Variants in PTPRN2 observed in about 807,000 individuals in gnomAD.
The protein encoded by PTPRN2 is protein tyrosine phosphatase receptor type N2.
In PTPRN2, 74 loss-of-function variants were observed where a neutral mutation model predicts 118.8. The observed-to-expected ratio is 0.62, with a 90% CI of 0.52 to 0.76. The LOEUF is 0.76. Ranked by LOEUF, PTPRN2 falls within the 30% of genes least tolerant of loss-of-function variation. PTPRN2 has a pLI of 0.00. For missense variants in PTPRN2, 1,481 were observed against 1,394.4 expected (o/e 1.06, Z -0.99); for synonymous variants, 641 against 608.0 (o/e 1.05, Z -0.80).
chr7:157,596,128 G>A lies in PTPRN2; in HGVS notation c.2419-813C>T, dbSNP rs570938221. On this transcript the variant is annotated intron_variant, in intron 16 of 22. Coordinates refer to ENST00000389418, the MANE Select transcript of PTPRN2 (RefSeq NM_002847.5). The surrounding 1 kb of genome is among the most constrained non-coding windows in gnomAD (Gnocchi z 4.2). ...AGCTCTCAATGGAGAGTGTGAACAG[G>A]GTTCCTCCAGGCCTCATGGACAAAC... Among the ~76,000 whole-genome samples the A allele has an allele frequency of 3.3e-5, 5 of 152,354 alleles. No individual in the cohort carries two copies. Among genetic ancestry groups the A allele is most frequent in the Admixed American group, 2.0e-4 (3 of 15,300 alleles).
At chr7:158,333,807 G>A (rs1335828306) in intron 2 of PTPRN2, among the ~76,000 whole-genome samples, 3 of 131,606 alleles carry the variant, frequency 2.3e-5, no homozygotes, top group South Asian at 2.5e-4. Flanking sequence ...AAGAGCTGAG[G>A]CCCACAGAGG....
In PTPRN2 at chr7:157,887,509, A is replaced by ACTCCCCCCAGTACCTG. The variant is rs1796530868; in HGVS notation, c.1788+11163_1788+11164insCAGGTACTGGGGGGAG. Among the ~76,000 whole-genome samples, 3 of 6,992 alleles carry ACTCCCCCCAGTACCTG rather than the reference A, an allele frequency of 4.3e-4. 1 individual carries two copies. The highest frequency in any genetic ancestry group is 2.7e-4 in the Non-Finnish European group (1 of 3,700). 4.6% of individuals were successfully genotyped at this position (6,992 alleles called of 152,430 possible). On this transcript the variant is annotated intron_variant, in intron 12 of 22. Transcript: ENST00000389418. ...TGCCAGTACCCACTCGTCAGTACCC[A>ACTCCCCCCAGTACCTG]CTCCCCCCAGTACCCGCTTCCCCCA...
chr7:158,199,433 A>C (rs1019517205), intron 4 of PTPRN2, among the ~76,000 whole-genome samples: 2 of 152,254 alleles, frequency 1.3e-5, no homozygotes, highest in Non-Finnish European at 2.9e-5. Context: ...AAGAACCAGC[A>C]GGAGAAATGA....
At chr7:157,606,750 C>T (rs1341192792) in intron 15 of PTPRN2, among the ~76,000 whole-genome samples, 1 of 152,178 alleles carries the variant, frequency 6.6e-6, no homozygotes, top group Non-Finnish European at 1.5e-5. Context: ...CTTCTCTACG[C>T]AATTCTTTCA....
chr7:158,151,116 C>T (rs1563520884), intron 6 of PTPRN2, among the ~76,000 whole-genome samples: 13 of 13,226 alleles, frequency 9.8e-4, no homozygotes, highest in African/African-American at 2.0e-3. Context: ...CTGCTCCTAC[C>T]CCTGCCCACA....
At chr7:157,620,341 C>T (rs1000590187) in intron 15 of PTPRN2, among the ~76,000 whole-genome samples, 27 of 152,128 alleles carry the variant, frequency 1.8e-4, no homozygotes, top group Non-Finnish European at 3.8e-4. Context: ...TGTGGGAACA[C>T]GAGGCGGTGT....
chr7:158,132,972 G>C (rs1282166513), intron 9 of PTPRN2, among the ~76,000 whole-genome samples: 1 of 152,204 alleles, frequency 6.6e-6, no homozygotes, highest in Non-Finnish European at 1.5e-5. Flanking sequence ...CACAACACTT[G>C]TACAAAGCAA....
intron 12 of PTPRN2, among the ~76,000 whole-genome samples, chr7:157,727,241 G>A (rs541644712): frequency 1.2e-4 from 19 of 152,300 alleles, no homozygotes; most frequent in Admixed American, 5.9e-4. Context: ...ATCTGTGGAC[G>A]GATGGACAGA....
intron 1 of PTPRN2, among the ~76,000 whole-genome samples, chr7:158,501,901 G>C (rs769739998): frequency 1.3e-5 from 2 of 152,172 alleles, no homozygotes; most frequent in African/African-American, 2.4e-5. Context: ...AGCTCACATC[G>C]TGGCTTCTAA....
intron 12 of PTPRN2, among the ~76,000 whole-genome samples, chr7:157,760,498 G>A (rs533461170): frequency 6.6e-6 from 1 of 152,112 alleles, no homozygotes; most frequent in Non-Finnish European, 1.5e-5. Context: ...GAAGTGCGAA[G>A]GAGAATGAGC....
At chr7:157,737,858 G>A (rs1800394566) in intron 12 of PTPRN2, among the ~76,000 whole-genome samples, 1 of 152,236 alleles carries the variant, frequency 6.6e-6, no homozygotes, top group African/African-American at 2.4e-5. Context: ...CACCCCCGAT[G>A]CGGGGAGGAC....
chr7:158,098,573 C>T (rs1242812316), intron 10 of PTPRN2, among the ~76,000 whole-genome samples: 2 of 152,190 alleles, frequency 1.3e-5, no homozygotes, highest in South Asian at 4.1e-4. Context: ...CAGGCACGGG[C>T]GAGGCCCAGC....
chr7:157,874,818 G>GAC lies in PTPRN2; in HGVS notation c.1788+23853_1788+23854dup, dbSNP rs59815362. On this transcript the variant is annotated intron_variant, in intron 12 of 22. Transcript: ENST00000389418. This position sits in a 1 kb window ranked among gnomAD's most constrained non-coding sequence, Gnocchi z 5.8. ...ATATACACACAGAGACACACTCATGGACACACACAGAGACACACTCATGCA... is the reference window on the plus strand; with the variant it reads ...ATATACACACAGAGACACACTCATGGACACACACACAGAGACACACTCATGCA... 0.11 allele frequency among the ~76,000 whole-genome samples: 13,003 copies of GAC among 114,830 alleles called. 1,614 individuals are homozygous for GAC. Among genetic ancestry groups the GAC allele is most frequent in the African/African-American group, 0.31 (11,222 of 35,758 alleles). 75.3% of individuals were successfully genotyped at this position (114,830 alleles called of 152,430 possible).
At chr7:157,668,082 C>T (rs888671324) in intron 13 of PTPRN2, among the ~76,000 whole-genome samples, 3 of 152,288 alleles carry the variant, frequency 2.0e-5, no homozygotes, top group Non-Finnish European at 2.9e-5. Context: ...CATTCGGACA[C>T]CACAGTCCTC....
At chr7:158,430,471 G>A (rs1816081620) in intron 2 of PTPRN2, among the ~76,000 whole-genome samples, 1 of 152,230 alleles carries the variant, frequency 6.6e-6, no homozygotes, top group Non-Finnish European at 1.5e-5. Context: ...CATGTTCCCA[G>A]AAGCGCTCTG....
At chr7:158,466,636 G>A (rs2129443775) in intron 2 of PTPRN2, among the ~76,000 whole-genome samples, 1 of 152,344 alleles carries the variant, frequency 6.6e-6, no homozygotes, top group South Asian at 2.1e-4. Context: ...GCATCAGGGT[G>A]CAGACACCTC....
intron 11 of PTPRN2, among the ~76,000 whole-genome samples, chr7:157,935,367 G>T (rs543711782): frequency 5.3e-5 from 8 of 152,166 alleles, no homozygotes; most frequent in Non-Finnish European, 1.2e-4. Context: ...TCATTTCTGT[G>T]CATCTGTTCC....
chr7:158,343,622 C>T (rs886703751), intron 2 of PTPRN2, among the ~76,000 whole-genome samples: 4 of 149,000 alleles, frequency 2.7e-5, no homozygotes, highest in South Asian at 2.1e-4. Context: ...TGGGCTGTCG[C>T]GACTGCTCCC....
Position 158,316,993 on chromosome 7 carries a change from T to C in PTPRN2, c.164-61A>G, listed in dbSNP as rs962025401. On this transcript the variant is annotated intron_variant, in intron 2 of 22. Transcript: ENST00000389418. ...GTTTCATTTTCAGAGAGCAGGAAGGTGTCACACACGTCCTTGCAATGCGTT... is the reference window on the plus strand; with the variant it reads ...GTTTCATTTTCAGAGAGCAGGAAGGCGTCACACACGTCCTTGCAATGCGTT... 3.1e-6 allele frequency: 4 copies of C among 1,291,222 alleles called. No homozygotes were observed. The African/African-American group carries it at 5.9e-5, about 19-fold the overall frequency. The allele number at this position is 1,291,222 out of a possible 1,614,324, so 80.0% of individuals were successfully genotyped here. A position where few individuals can be genotyped will look rare whatever the true frequency, so the allele number is the denominator to read the frequency against.
Sources: allele counts gnomAD v4.1 joint callset (sites outside exome capture counted in the v4.1 genomes callset), GRCh38; gene constraint gnomAD v4.1.1; non-coding constraint Gnocchi (gnomAD v3.1); transcripts MANE v1.5; gene names NCBI Gene and HGNC (gene_info 2026-07-23, HGNC 2026-07-21).